Variants in THUMPD3 observed in about 807,000 individuals in gnomAD.
THUMPD3 encodes THUMP domain 3 tRNA guanosine methyltransferase, also known as tRNA (guanine(6)-N(2))-methyltransferase THUMP3.
THUMPD3 carries 44 observed loss-of-function variants against 54.5 expected under a neutral mutation model. That is an observed-to-expected ratio of 0.81 (90% CI 0.63 to 1.04). The LOEUF is 1.04. Among genes scored for constraint, THUMPD3 ranks in the 50% least tolerant of loss-of-function variants. The pLI is 0.00. For missense variants in THUMPD3, 604 were observed against 601.3 expected, an observed-to-expected ratio of 1.00 and a Z score of -0.05; for synonymous variants, 196 against 201.4, an observed-to-expected ratio of 0.97 and a Z score of 0.23.
intron 5 of THUMPD3, among the ~76,000 whole-genome samples, chr3:9,375,647 A>G (rs563539746): frequency 1.3e-5 from 2 of 152,242 alleles, no homozygotes; most frequent in Non-Finnish European, 2.9e-5. Context: ...GCATCACTTA[A>G]TGACAGGGAT....
At chr3:9,367,922 G>A (rs546426104) in intron 3 of THUMPD3, among the ~76,000 whole-genome samples, 539 of 152,044 alleles carry the variant, frequency 3.5e-3, no homozygotes, top group Non-Finnish European at 6.1e-3. Context: ...AAAATTAGCC[G>A]GGCGTAGTGG....
chr3:9,368,291 C>T lies in THUMPD3; in HGVS notation c.330+1306C>T, dbSNP rs1056794535. ...TCAAGTGATCCTCCCACTTAAGCCT[C>T]CCAAAGTGCTGGGATTACAGGTGTA... On this transcript the variant is annotated intron_variant, in intron 3 of 9. Coordinates refer to ENST00000452837, the MANE Select transcript of THUMPD3 (RefSeq NM_001114092.2). 2.6e-5 allele frequency among the ~76,000 whole-genome samples: 4 copies of T among 151,938 alleles called. No individual in the cohort carries two copies. The East Asian group carries it at 5.8e-4, about 22-fold the overall frequency.
intron 1 of THUMPD3, among the ~76,000 whole-genome samples, chr3:9,364,361 T>A (rs1376670238): frequency 6.6e-6 from 1 of 151,776 alleles, no homozygotes; most frequent in Non-Finnish European, 1.5e-5. Flanking sequence ...TTATTTATTT[T>A]TTTGAGACAG....
Position 9,366,260 on chromosome 3 carries a change from A to G in THUMPD3, c.253-648A>G, listed in dbSNP as rs181472519. Among the ~76,000 whole-genome samples the G allele has an allele frequency of 3.3e-5, 5 of 152,344 alleles. No homozygotes were observed. In the East Asian group the frequency reaches 7.7e-4, roughly 24 times the overall value. On this transcript the variant is annotated intron_variant, in intron 2 of 9. Coordinates refer to ENST00000452837, the MANE Select transcript of THUMPD3 (RefSeq NM_001114092.2). ...AAGGTCAGAAAACTGCAATCTCACT[A>G]TCATAAAGCTGATATATCTCATTAC...
chr3:9,384,168 T>C (rs1468829114), intron 8 of THUMPD3, 44 bp from the exon 9 acceptor site: 1 of 1,600,416 alleles, frequency 6.2e-7, no homozygotes, highest in South Asian at 1.1e-5. Flanking sequence ...CCTTCTATTT[T>C]GTATCTTTTG....
At position 9,384,760 on chromosome 3, in the gene THUMPD3, TA is replaced by T; in HGVS notation, c.*73del. On this transcript the variant is annotated 3_prime_UTR_variant, in exon 10 of 10. Coordinates refer to ENST00000452837, the MANE Select transcript of THUMPD3 (RefSeq NM_001114092.2). ...TAAAAGAACTTGGAGAGGAAAAAAG[TA>T]TTAACAAAACTGCAGTCTGCACTCT... is the stretch of plus-strand genomic sequence containing the variant. 1 of 1,574,722 alleles carries T rather than the reference TA, an allele frequency of 6.4e-7. No individual in the cohort carries two copies. The highest frequency in any genetic ancestry group is 8.7e-7 in the Non-Finnish European group (1 of 1,152,810).
At chr3:9,384,476 TA>T in intron 9 of THUMPD3, 47 bp from the exon 10 acceptor site, 1 of 1,611,580 alleles carries the variant, frequency 6.2e-7, no homozygotes, top group Non-Finnish European at 8.5e-7. Context: ...CTAGTTGATG[TA>T]AAAGTAGATT....
chr3:9,380,683 A>G, intron 7 of THUMPD3, 65 bp downstream of exon 7: 1 of 1,200,970 alleles, frequency 8.3e-7, no homozygotes, highest in Non-Finnish European at 1.2e-6. Flanking sequence ...TATTGACTTT[A>G]TGAATTAAAA....
intron 2 of THUMPD3, 59 bp downstream of exon 2, chr3:9,365,379 T>G (rs2031462961): frequency 6.3e-7 from 1 of 1,582,766 alleles, no homozygotes; most frequent in East Asian, 2.2e-5. Context: ...TGGTTACTTT[T>G]CATTTTATAG....
intron 5 of THUMPD3, 73 bp from the exon 6 acceptor site, chr3:9,377,746 G>T (rs931081112): frequency 1.7e-6 from 2 of 1,202,928 alleles, no homozygotes; most frequent in Non-Finnish European, 2.4e-6. Context: ...CAATCTTAAA[G>T]CTTCAGGAAT....
chr3:9,384,080 T>G (rs1159240734), intron 8 of THUMPD3, 132 bp from the exon 9 acceptor site: 2 of 1,096,328 alleles, frequency 1.8e-6, no homozygotes, highest in South Asian at 3.2e-5. Flanking sequence ...AGACATGTAA[T>G]GGCAAAGGTC....
At chr3:9,379,214 G>GA (rs527878522) in intron 6 of THUMPD3, among the ~76,000 whole-genome samples, 78 of 138,986 alleles carry the variant, frequency 5.6e-4, no homozygotes, top group South Asian at 6.9e-4. Context: ...ATAGGTTTAG[G>GA]AAAAAAAAAA....
At chr3:9,380,355 G>A (rs2032782747) in intron 6 of THUMPD3, 148 bp from the exon 7 acceptor site, 1 of 592,458 alleles carries the variant, frequency 1.7e-6, no homozygotes, top group African/African-American at 1.9e-5. Context: ...AAGAATAAGA[G>A]GGCATTTTCA....
At chr3:9,365,978 A>G (rs1467595639) in intron 2 of THUMPD3, among the ~76,000 whole-genome samples, 1 of 151,978 alleles carries the variant, frequency 6.6e-6, no homozygotes. Flanking sequence ...AAAGTTTCAG[A>G]TTTTTAGATG....
At position 9,384,719 on chromosome 3, in the gene THUMPD3, A is replaced by G; in HGVS notation, c.*31A>G. 1 of 1,610,788 alleles carries G rather than the reference A, an allele frequency of 6.2e-7. No homozygotes were observed. Among genetic ancestry groups the G allele is most frequent in the Non-Finnish European group, 8.5e-7 (1 of 1,177,676 alleles). On this transcript the variant is annotated 3_prime_UTR_variant, in exon 10 of 10. Transcript: ENST00000452837. ...ACTAATAGTACTTGTACTTCCCACCACTGGAAATGTTAGCATAAAAGAACT... is the reference window on the plus strand; with the variant it reads ...ACTAATAGTACTTGTACTTCCCACCGCTGGAAATGTTAGCATAAAAGAACT...
At chr3:9,366,314 T>A (rs952970667) in intron 2 of THUMPD3, among the ~76,000 whole-genome samples, 1 of 152,184 alleles carries the variant, frequency 6.6e-6, no homozygotes, top group African/African-American at 2.4e-5. Flanking sequence ...GCAAGGATTG[T>A]TGTCTATTTT....
At chr3:9,365,627 C>A (rs1446818218) in intron 2 of THUMPD3, among the ~76,000 whole-genome samples, 1 of 151,512 alleles carries the variant, frequency 6.6e-6, no homozygotes, top group African/African-American at 2.4e-5. Flanking sequence ...GAGTCTTGCT[C>A]TGTCATCAGG....
At chr3:9,364,159 A>G (rs2031255798) in intron 1 of THUMPD3, 1 of 151,292 alleles carries the variant, frequency 6.6e-6, no homozygotes, top group South Asian at 2.1e-4. Context: ...ACCAGGTACT[A>G]CTCTCACTTG....
At chr3:9,364,344 T>G (rs1201171490) in intron 1 of THUMPD3, among the ~76,000 whole-genome samples, 1 of 151,298 alleles carries the variant, frequency 6.6e-6, no homozygotes, top group Non-Finnish European at 1.5e-5. Context: ...TTATTTATTT[T>G]ATTTATTTAT....
Sources: gnomAD v4.1 joint callset for allele counts (sites outside exome capture counted in the v4.1 genomes callset) on GRCh38, gnomAD v4.1.1 for gene constraint, MANE v1.5 for transcripts, NCBI Gene and HGNC (gene_info 2026-07-23, HGNC 2026-07-21) for gene names.